PIK3CB: variants seen among roughly 807,000 people sequenced by gnomAD.
The protein encoded by PIK3CB is phosphatidylinositol 4,5-bisphosphate 3-kinase catalytic subunit beta isoform.
In PIK3CB, 39 loss-of-function variants were observed where a neutral mutation model predicts 136.8. The ratio of observed to expected loss-of-function variants is 0.29; its 90% CI spans 0.22 to 0.37. PIK3CB has a LOEUF of 0.37. Among genes scored for constraint, PIK3CB ranks in the 10% least tolerant of loss-of-function variants. The probability of loss-of-function intolerance (pLI) is 1.00; values close to 1 mark genes in which losing one functional copy is unlikely to be tolerated. For missense variants in PIK3CB, 868 were observed against 1,275.4 expected (o/e 0.68, Z 4.87); for synonymous variants, 428 against 436.6 (o/e 0.98, Z 0.25).
Position 138,714,733 on chromosome 3 carries a change from G to GACAAAA in PIK3CB, c.1051-20_1051-15dup. 1.3e-6 allele frequency: 2 copies of GACAAAA among 1,562,322 alleles called. No individual in the cohort carries two copies. The highest frequency in any genetic ancestry group is 1.7e-6 in the Non-Finnish European group (2 of 1,159,182). ...CCTGACATGAACCTGTAACGAAGCA[G>GACAAAA]ACAAAAACAAAAACAAAGTCATGAA... is the stretch of plus-strand genomic sequence containing the variant. On this transcript the variant is annotated splice_polypyrimidine_tract_variant and intron_variant, in intron 8 of 23. Transcript: ENST00000674063.
chr3:138,659,007 G>A (rs2043239238), intron 21 of PIK3CB, among the ~76,000 whole-genome samples: 2 of 152,138 alleles, frequency 1.3e-5, no homozygotes, highest in South Asian at 2.1e-4. Context: ...TTTGGAGCCC[G>A]TTTTGTGTCC....
intron 15 of PIK3CB, among the ~76,000 whole-genome samples, chr3:138,689,818 G>C (rs1047297035): frequency 6.6e-6 from 1 of 152,118 alleles, no homozygotes; most frequent in Non-Finnish European, 1.5e-5. Context: ...TTTATTCCAA[G>C]AAGTCTAAAA....
chr3:138,675,749 GAA>G (rs1158916378), intron 19 of PIK3CB, among the ~76,000 whole-genome samples: 16 of 152,190 alleles, frequency 1.1e-4, no homozygotes, highest in Middle Eastern at 6.8e-3. Flanking sequence ...TGAAAAGAGA[GAA>G]AGAACAAAGG....
intron 2 of PIK3CB, among the ~76,000 whole-genome samples, chr3:138,795,252 G>A (rs371515598): frequency 5.4e-5 from 8 of 148,066 alleles, no homozygotes; most frequent in East Asian, 4.0e-4. Context: ...ACCGGGAGGC[G>A]GACGTTGCAG....
At chr3:138,762,098 A>T (rs894436583) in intron 2 of PIK3CB, among the ~76,000 whole-genome samples, 1 of 151,430 alleles carries the variant, frequency 6.6e-6, no homozygotes, top group South Asian at 2.1e-4. Context: ...AATACAAAAA[A>T]ATTAGCCAGG....
At chr3:138,804,688 A>G (rs1442024903) in intron 1 of PIK3CB, among the ~76,000 whole-genome samples, 1 of 152,180 alleles carries the variant, frequency 6.6e-6, no homozygotes, top group East Asian at 1.9e-4. Context: ...AGAATTCTTA[A>G]TTTTACAATT....
chr3:138,738,618 T>A (rs892386286), intron 5 of PIK3CB, among the ~76,000 whole-genome samples: 1 of 152,202 alleles, frequency 6.6e-6, no homozygotes, highest in Admixed American at 6.5e-5. Flanking sequence ...CATATAGAAA[T>A]TCTAATCAAT....
chr3:138,703,626 A>C (rs1351279015), intron 12 of PIK3CB, among the ~76,000 whole-genome samples: 2 of 151,966 alleles, frequency 1.3e-5, no homozygotes, highest in Non-Finnish European at 2.9e-5. Context: ...ATAGATATAG[A>C]TATATAGATG....
rs699150 is a variant in PIK3CB, at chr3:138,662,128, T to A, written c.2796+1778A>T. Among the ~76,000 whole-genome samples, 1,118 of 150,360 alleles carry A rather than the reference T, an allele frequency of 7.4e-3. 24 individuals carry two copies. The highest frequency in any genetic ancestry group is 0.025 in the African/African-American group (1,029 of 40,602). On this transcript the variant is annotated intron_variant, in intron 21 of 23. Transcript: ENST00000674063. ...CATTGGTAATCTTTTTTTTTTTTTT[T>A]ATTTTAAGTTTTAGGGTACATGTGC...
In PIK3CB at chr3:138,742,786, A is replaced by T; in HGVS notation, c.398-5T>A. ...AGGAATCAAATTCATGCAGACCTAA[A>T]CACATTTTTTAAAGGTGTCATTTTC... is the stretch of plus-strand genomic sequence containing the variant. On this transcript the variant is annotated splice_polypyrimidine_tract_variant and splice_region_variant and intron_variant, in intron 4 of 23. Coordinates refer to ENST00000674063, the MANE Select transcript of PIK3CB (RefSeq NM_006219.3). 1.3e-6 allele frequency: 2 copies of T among 1,535,688 alleles called. No individual in the cohort carries two copies. The highest frequency in any genetic ancestry group is 1.8e-6 in the Non-Finnish European group (2 of 1,121,074).
chr3:138,710,577 C>T (rs1377810165), intron 10 of PIK3CB, among the ~76,000 whole-genome samples: 1 of 152,058 alleles, frequency 6.6e-6, no homozygotes, highest in Non-Finnish European at 1.5e-5. Context: ...CAGTATAGAC[C>T]AATGGGAAGA....
intron 2 of PIK3CB, among the ~76,000 whole-genome samples, chr3:138,779,159 T>C (rs1345514205): frequency 1.3e-5 from 2 of 150,272 alleles, no homozygotes; most frequent in African/African-American, 2.4e-5. Flanking sequence ...GATCTCGGCA[T>C]ACTGCAAGCT....
At chr3:138,660,601 T>A (rs1204023484) in intron 21 of PIK3CB, among the ~76,000 whole-genome samples, 1 of 152,028 alleles carries the variant, frequency 6.6e-6, no homozygotes, top group Non-Finnish European at 1.5e-5. Flanking sequence ...AAATTTCACT[T>A]AGGAGGAATA....
intron 19 of PIK3CB, among the ~76,000 whole-genome samples, chr3:138,673,579 C>T (rs2043582868): frequency 6.6e-6 from 1 of 152,116 alleles, no homozygotes; most frequent in African/African-American, 2.4e-5. Flanking sequence ...TCTACTTCTC[C>T]ATAAAAGCAA....
Position 138,712,322 on chromosome 3 carries a change from A to G in PIK3CB, c.1303-18T>C, listed in dbSNP as rs912738792. ...GGATAATGCTGTTGAAAAAGATACC[A>G]TTGCATAAATATGCTAAGAATAACT... On this transcript the variant is annotated intron_variant, in intron 9 of 23. Transcript: ENST00000674063. The G allele has an allele frequency of 1.3e-5, 16 of 1,201,266 alleles. No homozygotes were observed. Among genetic ancestry groups the G allele is most frequent in the Non-Finnish European group, 9.5e-6 (8 of 843,284 alleles). 74.4% of individuals were successfully genotyped at this position (1,201,266 alleles called of 1,614,324 possible).
In PIK3CB at chr3:138,758,260, G is replaced by C. The variant is rs557302007; in HGVS notation, c.171+913C>G. On this transcript the variant is annotated intron_variant, in intron 3 of 23. Coordinates refer to ENST00000674063, the MANE Select transcript of PIK3CB (RefSeq NM_006219.3). ...AGAAATAAAAAGGAATTGAGGGAAA[G>C]GGGCAGTTATGGGTATGAAGTTTCT... Among the ~76,000 whole-genome samples, 6 of 152,320 alleles carry C rather than the reference G, an allele frequency of 3.9e-5. No individual in the cohort carries two copies. The South Asian group carries it at 1.2e-3, about 32-fold the overall frequency.
At chr3:138,781,099 A>G (rs907176886) in intron 2 of PIK3CB, among the ~76,000 whole-genome samples, 28 of 152,042 alleles carry the variant, frequency 1.8e-4, no homozygotes, top group African/African-American at 6.8e-4. Flanking sequence ...AGGCCAACCT[A>G]AGCAACACAG....
At chr3:138,672,189 C>G (rs1290909657) in intron 19 of PIK3CB, among the ~76,000 whole-genome samples, 1 of 152,034 alleles carries the variant, frequency 6.6e-6, no homozygotes, top group Non-Finnish European at 1.5e-5. Context: ...TCTGGGAGGA[C>G]TGGAACTCGA....
chr3:138,784,698 T>C (rs2108797417), intron 2 of PIK3CB, among the ~76,000 whole-genome samples: 1 of 152,330 alleles, frequency 6.6e-6, no homozygotes, highest in South Asian at 2.1e-4. Flanking sequence ...CCCGAGGTGC[T>C]GGGATTGCAG....
Sources: allele counts gnomAD v4.1 joint callset (sites outside exome capture counted in the v4.1 genomes callset), GRCh38; gene constraint gnomAD v4.1.1; transcripts MANE v1.5; gene names NCBI Gene and HGNC (gene_info 2026-07-23, HGNC 2026-07-21).